SIRPG: variants seen among roughly 807,000 people sequenced by gnomAD.
The protein encoded by SIRPG is signal regulatory protein gamma.
Under a neutral mutation model 35.7 loss-of-function variants are expected in SIRPG, and 38 were observed. The observed-to-expected ratio is 1.06, with a 90% CI of 0.82 to 1.40. The LOEUF is 1.40. Among genes scored for constraint, SIRPG ranks in the 40% most tolerant of loss-of-function variants. The pLI is 0.00. For synonymous variants in SIRPG, 215 were observed against 190.4 expected (o/e 1.13, Z -1.06); for missense variants, 519 against 483.0 (o/e 1.07, Z -0.70).
chr20:1,647,622 CTCAAGT>C (rs2091907469), intron 2 of SIRPG: 1 of 152,228 alleles, frequency 6.6e-6, no homozygotes, highest in Non-Finnish European at 1.5e-5. Flanking sequence ...TTGTTAGTAG[CTCAAGT>C]TTGGGAACAA....
chr20:1,666,086 C>T, the SIRPG span, among the ~76,000 whole-genome samples: 298 of 148,448 alleles, frequency 2.0e-3, 3 homozygotes, highest in African/African-American at 7.0e-3. Flanking sequence ...GGCTAATGTG[C>T]GTGGGAGGTC....
At chr20:1,650,000 G>GTATATATATATA (rs1491226682) in intron 1 of SIRPG, among the ~76,000 whole-genome samples, 82 of 85,360 alleles carry the variant, frequency 9.6e-4, no homozygotes, top group African/African-American at 3.8e-3. Flanking sequence ...CTACTTTGAA[G>GTATATATATATA]TGTGTATATA....
the SIRPG span, among the ~76,000 whole-genome samples, chr20:1,663,688 T>G: frequency 6.6e-6 from 1 of 152,352 alleles, no homozygotes; most frequent in African/African-American, 2.4e-5. Flanking sequence ...GAAGGCATAA[T>G]TGAATGTTGC....
the SIRPG span, among the ~76,000 whole-genome samples, chr20:1,675,297 A>G: frequency 6.6e-6 from 1 of 152,190 alleles, no homozygotes; most frequent in Non-Finnish European, 1.5e-5. Flanking sequence ...TGAAGGAGAA[A>G]CAGCACAACA....
At chr20:1,668,142 CTTTTCTTT>C in the SIRPG span, among the ~76,000 whole-genome samples, 1 of 116,480 alleles carries the variant, frequency 8.6e-6, no homozygotes, top group African/African-American at 3.1e-5. Context: ...TTTCTCTTTT[CTTTTCTTT>C]TTTTCTTTTC....
intron 2 of SIRPG, chr20:1,645,985 G>A (rs1157235122): frequency 6.6e-6 from 1 of 152,206 alleles, no homozygotes; most frequent in African/African-American, 2.4e-5. Context: ...TGCTTAGAAT[G>A]TGCTAGGTGA....
chr20:1,639,545 C>T (rs979583959), intron 2 of SIRPG, among the ~76,000 whole-genome samples: 4 of 152,038 alleles, frequency 2.6e-5, no homozygotes, highest in Non-Finnish European at 4.4e-5. Context: ...GGGTAAATTG[C>T]AAAAATTTTC....
the SIRPG span, among the ~76,000 whole-genome samples, chr20:1,683,533 A>T: frequency 6.6e-6 from 1 of 152,328 alleles, no homozygotes; most frequent in African/African-American, 2.4e-5. Context: ...AAAATGTGGT[A>T]TATATACACA....
the SIRPG span, among the ~76,000 whole-genome samples, chr20:1,663,376 A>C: frequency 6.6e-6 from 1 of 152,210 alleles, no homozygotes; most frequent in Non-Finnish European, 1.5e-5. Context: ...AGACAATAGC[A>C]ACAGTTTGGA....
chr20:1,643,331 C>G (rs1236959370), intron 2 of SIRPG, among the ~76,000 whole-genome samples: 1 of 152,084 alleles, frequency 6.6e-6, no homozygotes, highest in African/African-American at 2.4e-5. Flanking sequence ...TCTTCAAACT[C>G]TGATATCCTT....
At chr20:1,634,772 G>A (rs1329221346) in intron 4 of SIRPG, among the ~76,000 whole-genome samples, 6 of 151,990 alleles carry the variant, frequency 3.9e-5, no homozygotes, top group African/African-American at 1.2e-4. Context: ...CGCCAGGCGC[G>A]GTGGCTCACG....
At chr20:1,646,072 C>G (rs1313940624) in intron 2 of SIRPG, 1 of 152,228 alleles carries the variant, frequency 6.6e-6, no homozygotes, top group Non-Finnish European at 1.5e-5. Context: ...GAAGAGGAAA[C>G]TGAGGCTGGG....
At chr20:1,638,702 T>C (rs539138184) in intron 2 of SIRPG, among the ~76,000 whole-genome samples, 2 of 152,284 alleles carry the variant, frequency 1.3e-5, no homozygotes, top group East Asian at 1.9e-4. Flanking sequence ...GCTGCACTTA[T>C]CAACCCATCA....
chr20:1,672,013 G>A, the SIRPG span, among the ~76,000 whole-genome samples: 7 of 152,100 alleles, frequency 4.6e-5, no homozygotes, highest in Admixed American at 3.9e-4. Flanking sequence ...GATTTTAGGG[G>A]GCCTATTCCC....
intron 1 of SIRPG, 44 bp from the exon 2 acceptor site, chr20:1,649,452 T>C: frequency 1.3e-6 from 2 of 1,499,484 alleles, no homozygotes; most frequent in Non-Finnish European, 1.8e-6. Flanking sequence ...CCTTACATAA[T>C]CCTGTATTTC....
rs750298111 is a variant in SIRPG, at chr20:1,636,164, G to T, written c.748+24C>A. The T allele has an allele frequency of 3.1e-6, 5 of 1,602,062 alleles. No homozygotes were observed. The Admixed American group carries it at 8.6e-5, about 28-fold the overall frequency. On this transcript the variant is annotated intron_variant, in intron 3 of 5. Transcript: ENST00000303415. ...GGGCTTGACAGCCAGGTGTGGGCTTGGGCTGGGTGTGAGGGTCCTCTACCT... is the reference window on the plus strand; with the variant it reads ...GGGCTTGACAGCCAGGTGTGGGCTTTGGCTGGGTGTGAGGGTCCTCTACCT...
the SIRPG span, chr20:1,665,156 G>A: frequency 6.5e-6 from 1 of 152,994 alleles, no homozygotes; most frequent in Admixed American, 6.5e-5. Context: ...AGGGTGCAGA[G>A]GGAGCTCGGT....
the SIRPG span, among the ~76,000 whole-genome samples, chr20:1,671,792 G>T: frequency 6.6e-6 from 1 of 152,230 alleles, no homozygotes; most frequent in Non-Finnish European, 1.5e-5. Context: ...ATCTGCAGCA[G>T]GAGCATGTCC....
chr20:1,642,218 TG>T (rs1229992520), intron 2 of SIRPG, among the ~76,000 whole-genome samples: 6 of 152,334 alleles, frequency 3.9e-5, no homozygotes, highest in South Asian at 4.1e-4. Flanking sequence ...TATTATTGTG[TG>T]GGAGTCTAAG....
Sources: allele counts gnomAD v4.1 joint callset (sites outside exome capture counted in the v4.1 genomes callset), GRCh38; gene constraint gnomAD v4.1.1; transcripts MANE v1.5; gene names NCBI Gene and HGNC (gene_info 2026-07-23, HGNC 2026-07-21).